NRP1: variants seen among roughly 807,000 people sequenced by gnomAD.
NRP1 encodes the protein neuropilin-1.
A neutral mutation model predicts 106.7 loss-of-function variants in NRP1; 35 were observed. The observed-to-expected ratio is 0.33, with a 90% confidence interval of 0.25 to 0.43. The LOEUF is 0.43. Ranked by LOEUF, NRP1 falls within the 20% of genes least tolerant of loss-of-function variation. NRP1 has a pLI of 1.00. For missense variants in NRP1, 1,024 were observed against 1,170.4 expected (o/e 0.87, Z 1.83); for synonymous variants, 437 against 417.9 (o/e 1.05, Z -0.56).
At chr10:33,265,143 C>T (rs1367358223) in intron 3 of NRP1, among the ~76,000 whole-genome samples, 1 of 151,792 alleles carries the variant, frequency 6.6e-6, no homozygotes, top group African/African-American at 2.4e-5. Flanking sequence ...AAACAAACAA[C>T]AACCAAAAAA....
intron 2 of NRP1, among the ~76,000 whole-genome samples, chr10:33,305,605 C>G (rs979748449): frequency 7.9e-5 from 12 of 152,298 alleles, no homozygotes; most frequent in African/African-American, 2.9e-4. Flanking sequence ...CTAAACTCCA[C>G]TTTCTCTACC....
intron 2 of NRP1, among the ~76,000 whole-genome samples, chr10:33,278,463 T>G (rs1843873541): frequency 6.6e-6 from 1 of 152,278 alleles, no homozygotes; most frequent in Non-Finnish European, 1.5e-5. Flanking sequence ...CTGGATGTAC[T>G]TAAGCTAAAC....
At chr10:33,203,353 C>T (rs181362806) in intron 10 of NRP1, among the ~76,000 whole-genome samples, 7 of 152,328 alleles carry the variant, frequency 4.6e-5, no homozygotes, top group Admixed American at 1.3e-4. Flanking sequence ...TTGCTTGAAA[C>T]GTTTTCCCTT....
At chr10:33,220,176 A>G (rs1839113718) in intron 8 of NRP1, among the ~76,000 whole-genome samples, 1 of 152,232 alleles carries the variant, frequency 6.6e-6, no homozygotes, top group South Asian at 2.1e-4. Context: ...GCTGAACTCT[A>G]CTATAAACAA....
intron 2 of NRP1, among the ~76,000 whole-genome samples, chr10:33,293,925 C>T (rs568860307): frequency 3.3e-5 from 5 of 152,280 alleles, no homozygotes; most frequent in East Asian, 1.9e-4. Context: ...AGTCATAGCA[C>T]GGATAATGTG....
chr10:33,312,933 T>C (rs891224499), intron 2 of NRP1, among the ~76,000 whole-genome samples: 3 of 152,220 alleles, frequency 2.0e-5, no homozygotes, highest in South Asian at 2.1e-4. Context: ...AGGTTATCAA[T>C]TGCACTTAAA....
Position 33,180,003 on chromosome 10 carries a change from G to T in NRP1, c.*73C>A. 2 of 1,495,194 alleles carry T rather than the reference G, an allele frequency of 1.3e-6. No homozygotes were observed. Among genetic ancestry groups the T allele is most frequent in the Admixed American group, 1.8e-5 (1 of 56,778 alleles). 92.6% of individuals were successfully genotyped at this position (1,495,194 alleles called of 1,614,324 possible). A position where few individuals can be genotyped will look rare whatever the true frequency, so the allele number is the denominator to read the frequency against. On this transcript the variant is annotated 3_prime_UTR_variant, in exon 17 of 17. Transcript: ENST00000374867. Reference sequence around the variant, plus strand: ...ACACTTCCCAGCCTGTATAGTGAAAGATCAACAGCTCCCCAGCTCACTCCC... The same window carrying T: ...ACACTTCCCAGCCTGTATAGTGAAATATCAACAGCTCCCCAGCTCACTCCC...
At chr10:33,198,294 A>G (rs984356435) in intron 11 of NRP1, among the ~76,000 whole-genome samples, 1 of 151,892 alleles carries the variant, frequency 6.6e-6, no homozygotes, top group South Asian at 2.1e-4. Context: ...GGCGTGCACT[A>G]CCATGCCCAG....
At chr10:33,274,766 A>T (rs928560470) in intron 2 of NRP1, among the ~76,000 whole-genome samples, 1 of 152,104 alleles carries the variant, frequency 6.6e-6, no homozygotes, top group African/African-American at 2.4e-5. Context: ...GTGTCTTTTT[A>T]ATCTCCTTCC....
intron 2 of NRP1, among the ~76,000 whole-genome samples, chr10:33,320,340 G>C (rs1847409975): frequency 6.6e-6 from 1 of 151,362 alleles, no homozygotes; most frequent in Non-Finnish European, 1.5e-5. Flanking sequence ...CCTGCACCGG[G>C]ACCCAGTCTC....
At chr10:33,302,578 G>A (rs556277177) in intron 2 of NRP1, among the ~76,000 whole-genome samples, 1 of 152,328 alleles carries the variant, frequency 6.6e-6, no homozygotes, top group Admixed American at 6.5e-5. Flanking sequence ...CAGGCAATTT[G>A]CCAGGACTCC....
chr10:33,196,674 T>A (rs1836809762), intron 12 of NRP1, among the ~76,000 whole-genome samples: 2 of 152,160 alleles, frequency 1.3e-5, no homozygotes. Flanking sequence ...AGCTGGGGGT[T>A]AAGTTTGACC....
chr10:33,258,617 CAGA>C (rs1395460433), intron 4 of NRP1, among the ~76,000 whole-genome samples: 11 of 152,306 alleles, frequency 7.2e-5, no homozygotes, highest in African/African-American at 2.6e-4. Context: ...GAAAGCATCT[CAGA>C]AGATGAAACT....
chr10:33,263,975 C>T (rs559977713), intron 3 of NRP1, 102 bp from the exon 4 acceptor site: 49 of 743,986 alleles, frequency 6.6e-5, no homozygotes, highest in African/African-American at 4.2e-4. Flanking sequence ...AATAAAAGCC[C>T]GCCAGTATAA....
intron 11 of NRP1, chr10:33,202,502 C>A: frequency 1.7e-6 from 2 of 1,171,060 alleles, no homozygotes; most frequent in Non-Finnish European, 2.3e-6. Context: ...AAAACTTGTC[C>A]TCATTAGAAA....
intron 7 of NRP1, among the ~76,000 whole-genome samples, chr10:33,222,545 G>A (rs1388402028): frequency 8.2e-6 from 1 of 121,576 alleles, no homozygotes; most frequent in African/African-American, 2.8e-5. Context: ...ATTTAAGATG[G>A]AGTCTCGCTC....
At chr10:33,207,823 G>T in intron 9 of NRP1, 107 bp from the exon 10 acceptor site, 1 of 1,212,156 alleles carries the variant, frequency 8.2e-7, no homozygotes, top group Non-Finnish European at 1.2e-6. Context: ...CAGAGAAATT[G>T]GCTTCATTCT....
chr10:33,206,714 G>C (rs1000851859), intron 10 of NRP1, among the ~76,000 whole-genome samples: 1 of 152,152 alleles, frequency 6.6e-6, no homozygotes, highest in African/African-American at 2.4e-5. Flanking sequence ...CCTCTATGGG[G>C]ATAGAAAAAC....
At chr10:33,299,991 T>C (rs374088689) in intron 2 of NRP1, among the ~76,000 whole-genome samples, 2 of 152,158 alleles carry the variant, frequency 1.3e-5, no homozygotes, top group African/African-American at 4.8e-5. Flanking sequence ...CTCGAAAAAG[T>C]TCACACTCTG....
Sources: gnomAD v4.1 joint callset for allele counts (sites outside exome capture counted in the v4.1 genomes callset) on GRCh38, gnomAD v4.1.1 for gene constraint, MANE v1.5 for transcripts, NCBI Gene and HGNC (gene_info 2026-07-23, HGNC 2026-07-21) for gene names.